The following EXOC4 variants were observed in gnomAD, a reference collection of about 807,000 sequenced individuals.
The protein encoded by EXOC4 is SEC8-like 1.
Under a neutral mutation model 107.2 loss-of-function variants are expected in EXOC4, and 71 were observed. The ratio of observed to expected loss-of-function variants is 0.66; its 90% CI spans 0.55 to 0.81. The LOEUF (loss-of-function observed/expected upper bound fraction) is 0.81, where lower values mean the gene tolerates loss of function less well. Among genes scored for constraint, EXOC4 ranks in the 30% least tolerant of loss-of-function variants. EXOC4 has a pLI of 0.00. For synonymous variants in EXOC4, 456 were observed against 441.2 expected (o/e 1.03, Z -0.42); for missense variants, 1,108 against 1,189.6 (o/e 0.93, Z 1.01).
chr7:133,498,399 C>T (rs947792308), intron 9 of EXOC4, among the ~76,000 whole-genome samples: 1 of 152,138 alleles, frequency 6.6e-6, no homozygotes, highest in Non-Finnish European at 1.5e-5. Flanking sequence ...TCCTGGCTAA[C>T]ACGGTGAAAC....
At chr7:134,094,787 A>G in the EXOC4 span, among the ~76,000 whole-genome samples, 1 of 152,094 alleles carries the variant, frequency 6.6e-6, no homozygotes, top group Non-Finnish European at 1.5e-5. Context: ...TCCAACATCG[A>G]TTCATAATAA....
chr7:133,387,960 A>T (rs1796765400), intron 7 of EXOC4, among the ~76,000 whole-genome samples: 1 of 151,390 alleles, frequency 6.6e-6, no homozygotes, highest in Non-Finnish European at 1.5e-5. Context: ...GACCTGGGGG[A>T]GATGGGCTTT....
At chr7:133,382,802 T>A (rs1269684116) in intron 7 of EXOC4, among the ~76,000 whole-genome samples, 1 of 152,242 alleles carries the variant, frequency 6.6e-6, no homozygotes, top group Non-Finnish European at 1.5e-5. Context: ...TACTTTTTGA[T>A]CTTTTAATGA....
chr7:133,397,124 G>GTTTTC (rs10656652), intron 7 of EXOC4, among the ~76,000 whole-genome samples: 141,675 of 147,580 alleles, frequency 0.96, 67,995 homozygotes, highest in East Asian at 1. Flanking sequence ...GTTTCATTTG[G>GTTTTC]TTTTCTTTTC....
At chr7:134,055,826 G>A (rs927599482) in intron 17 of EXOC4, among the ~76,000 whole-genome samples, 14 of 152,120 alleles carry the variant, frequency 9.2e-5, no homozygotes, top group African/African-American at 3.1e-4. Context: ...GCCTGGATTA[G>A]ATTTTAAAAA....
intron 17 of EXOC4, among the ~76,000 whole-genome samples, chr7:134,028,421 A>G (rs529443962): frequency 6.6e-6 from 1 of 152,350 alleles, no homozygotes; most frequent in African/African-American, 2.4e-5. Context: ...TTATAACACA[A>G]TTACTATCAA....
At chr7:133,330,787 G>A (rs1795365612) in intron 5 of EXOC4, among the ~76,000 whole-genome samples, 1 of 151,852 alleles carries the variant, frequency 6.6e-6, no homozygotes, top group South Asian at 2.1e-4. Flanking sequence ...TGCACCCACT[G>A]TCCAACCAGT....
chr7:133,709,867 T>A (rs1486649829), intron 10 of EXOC4, among the ~76,000 whole-genome samples: 1 of 152,186 alleles, frequency 6.6e-6, no homozygotes, highest in African/African-American at 2.4e-5. Context: ...TGAAGAGTGC[T>A]TGGCACATGG....
chr7:133,470,521 A>G (rs1798848948), intron 7 of EXOC4, among the ~76,000 whole-genome samples: 1 of 151,726 alleles, frequency 6.6e-6, no homozygotes, highest in Non-Finnish European at 1.5e-5. Flanking sequence ...AGGTCCTCAG[A>G]AAAAAACAGT....
chr7:133,923,634 C>A (rs1389171898), intron 13 of EXOC4, among the ~76,000 whole-genome samples: 1 of 152,138 alleles, frequency 6.6e-6, no homozygotes, highest in Non-Finnish European at 1.5e-5. Flanking sequence ...TTTAAGAGTT[C>A]TTTGCATATC....
At chr7:133,515,707 G>A (rs1462114856) in intron 9 of EXOC4, among the ~76,000 whole-genome samples, 2 of 152,102 alleles carry the variant, frequency 1.3e-5, no homozygotes, top group East Asian at 1.9e-4. Context: ...GGCCTCAAGC[G>A]ATTCTCCTGC....
chr7:133,844,453 G>A (rs1385740422), intron 11 of EXOC4, among the ~76,000 whole-genome samples: 2 of 132,344 alleles, frequency 1.5e-5, no homozygotes, highest in Admixed American at 8.5e-5. Context: ...ACAGTGGCGC[G>A]ATCTTGGCTC....
In EXOC4 at chr7:133,841,241, A is replaced by G. The variant is rs1798019052; in HGVS notation, c.1734+23697A>G. On this transcript the variant is annotated intron_variant, in intron 11 of 17. Coordinates refer to ENST00000253861, the MANE Select transcript of EXOC4 (RefSeq NM_021807.4). ...ACAAGGGCTCTGCTTTTATAACCTAATCACCTCCCAAAGTCCCCACCTCCT... is the reference window on the plus strand; with the variant it reads ...ACAAGGGCTCTGCTTTTATAACCTAGTCACCTCCCAAAGTCCCCACCTCCT... 2.0e-5 allele frequency among the ~76,000 whole-genome samples: 3 copies of G among 152,088 alleles called. No homozygotes were observed. The South Asian group carries it at 6.2e-4, about 32-fold the overall frequency.
intron 9 of EXOC4, among the ~76,000 whole-genome samples, chr7:133,513,061 C>T (rs562260415): frequency 8.2e-4 from 125 of 152,164 alleles, no homozygotes; most frequent in African/African-American, 2.6e-3. Flanking sequence ...GCCGAGATCG[C>T]GCCACTGCAC....
chr7:133,353,228 T>A (rs1414609676), intron 5 of EXOC4, among the ~76,000 whole-genome samples: 4 of 152,144 alleles, frequency 2.6e-5, no homozygotes, highest in African/African-American at 9.6e-5. Context: ...TATTGAGATA[T>A]TTATTTCTTC....
At chr7:134,073,691 A>G in the EXOC4 span, among the ~76,000 whole-genome samples, 1 of 152,052 alleles carries the variant, frequency 6.6e-6, no homozygotes, top group African/African-American at 2.4e-5. Context: ...TTAAAAATCA[A>G]ATCTGGCTTG....
intron 10 of EXOC4, chr7:133,768,587 C>T (rs1173765539): frequency 1.3e-5 from 2 of 151,874 alleles, no homozygotes; most frequent in African/African-American, 2.4e-5. Flanking sequence ...GAAAATGCTG[C>T]GTTATTTTTT....
At chr7:133,699,304 T>G (rs1394817208) in intron 10 of EXOC4, among the ~76,000 whole-genome samples, 1 of 152,148 alleles carries the variant, frequency 6.6e-6, no homozygotes, top group Non-Finnish European at 1.5e-5. Context: ...TCCCCCAGTC[T>G]GTACCTGCAA....
intron 13 of EXOC4, among the ~76,000 whole-genome samples, chr7:133,932,783 C>G (rs1440760890): frequency 6.6e-6 from 1 of 152,116 alleles, no homozygotes; most frequent in Admixed American, 6.5e-5. Context: ...CTGACCTTTC[C>G]CCTGCTCTGT....
Sources: allele counts gnomAD v4.1 joint callset (sites outside exome capture counted in the v4.1 genomes callset), GRCh38; gene constraint gnomAD v4.1.1; transcripts MANE v1.5; gene names NCBI Gene and HGNC (gene_info 2026-07-23, HGNC 2026-07-21).